Variants in BMAL1 observed in about 807,000 individuals in gnomAD.
BMAL1 encodes the protein basic helix-loop-helix ARNT-like protein 1.
chr11:13,288,050 G>A, the BMAL1 span, among the ~76,000 whole-genome samples: 1 of 152,164 alleles, frequency 6.6e-6, no homozygotes, highest in African/African-American at 2.4e-5. Context: ...GTAGGATTTC[G>A]ATTCACAGAC....
At chr11:13,383,334 A>G in the BMAL1 span, among the ~76,000 whole-genome samples, 1 of 152,244 alleles carries the variant, frequency 6.6e-6, no homozygotes, top group East Asian at 1.9e-4. Context: ...GATCCTTTTA[A>G]GGGTCTGCAA....
At chr11:13,321,520 C>G in the BMAL1 span, among the ~76,000 whole-genome samples, 23 of 152,166 alleles carry the variant, frequency 1.5e-4, no homozygotes, top group African/African-American at 5.5e-4. Context: ...CTCTTTGCTG[C>G]CTTGCTTGGG....
chr11:13,310,663 G>T, the BMAL1 span, among the ~76,000 whole-genome samples: 1 of 152,222 alleles, frequency 6.6e-6, no homozygotes, highest in Non-Finnish European at 1.5e-5. Context: ...AATGGGTGTG[G>T]CAGTGTTCCA....
chr11:13,385,961 G>T, the BMAL1 span, among the ~76,000 whole-genome samples: 21 of 152,210 alleles, frequency 1.4e-4, no homozygotes, highest in African/African-American at 4.3e-4. Flanking sequence ...ACCAGTATTT[G>T]AGTTTTGGTG....
At chr11:13,301,686 G>GT in the BMAL1 span, among the ~76,000 whole-genome samples, 1 of 152,314 alleles carries the variant, frequency 6.6e-6, no homozygotes, top group South Asian at 2.1e-4. Flanking sequence ...ATGGGGCAAT[G>GT]TTTGGGATTT....
chr11:13,327,941 C>T, the BMAL1 span, among the ~76,000 whole-genome samples: 1 of 152,246 alleles, frequency 6.6e-6, no homozygotes, highest in African/African-American at 2.4e-5. Flanking sequence ...ACTCCACATT[C>T]ACAGCCATGA....
At chr11:13,375,054 C>T in the BMAL1 span, among the ~76,000 whole-genome samples, 1 of 152,176 alleles carries the variant, frequency 6.6e-6, no homozygotes, top group Admixed American at 6.5e-5. Flanking sequence ...GTTCATCCCT[C>T]AAGGCTCTGA....
the BMAL1 span, among the ~76,000 whole-genome samples, chr11:13,310,544 A>T: frequency 6.6e-6 from 1 of 152,194 alleles, no homozygotes; most frequent in Non-Finnish European, 1.5e-5. Context: ...CTTTTTCTGT[A>T]GAGGACCAGA....
At chr11:13,279,639 T>C in the BMAL1 span, among the ~76,000 whole-genome samples, 1 of 152,270 alleles carries the variant, frequency 6.6e-6, no homozygotes, top group Non-Finnish European at 1.5e-5. Context: ...CCAAATATTT[T>C]TGAAAATACA....
At chr11:13,315,532 C>T in the BMAL1 span, among the ~76,000 whole-genome samples, 108 of 152,278 alleles carry the variant, frequency 7.1e-4, 1 homozygote, top group South Asian at 0.021. Flanking sequence ...GAAACTGAGG[C>T]CTCGACCCAT....
the BMAL1 span, among the ~76,000 whole-genome samples, chr11:13,284,045 C>T: frequency 2.0e-5 from 3 of 149,212 alleles, no homozygotes; most frequent in South Asian, 2.1e-4. Flanking sequence ...TGAAGACCAA[C>T]GTCCACAACT....
chr11:13,277,073 G>T, the BMAL1 span: 1 of 152,274 alleles, frequency 6.6e-6, no homozygotes, highest in African/African-American at 2.4e-5. Flanking sequence ...CGCAAAGAAC[G>T]TGAGAACACT....
At chr11:13,363,127 CATATATATAT>C in the BMAL1 span, among the ~76,000 whole-genome samples, 788 of 109,904 alleles carry the variant, frequency 7.2e-3, 4 homozygotes, top group African/African-American at 0.02. Flanking sequence ...GTCTTTATTT[CATATATATAT>C]ATATATATAT....
At chr11:13,363,662 A>T in the BMAL1 span, among the ~76,000 whole-genome samples, 257 of 152,334 alleles carry the variant, frequency 1.7e-3, no homozygotes, top group Non-Finnish European at 2.7e-3. Context: ...TATGTCAGGG[A>T]TCAGTCAACT....
At chr11:13,378,279 A>T in the BMAL1 span, 1 of 1,516,408 alleles carries the variant, frequency 6.6e-7, no homozygotes, top group East Asian at 2.5e-5. Context: ...ACTTTAATAC[A>T]TAATAGTATT....
chr11:13,320,253 T>C, the BMAL1 span, among the ~76,000 whole-genome samples: 1 of 152,208 alleles, frequency 6.6e-6, no homozygotes, highest in Non-Finnish European at 1.5e-5. Flanking sequence ...TCTCTAGCTC[T>C]CCTCTCTGGC....
chr11:13,303,321 A>C, the BMAL1 span, among the ~76,000 whole-genome samples: 19 of 152,320 alleles, frequency 1.2e-4, no homozygotes, highest in African/African-American at 4.6e-4. Context: ...AAAAAGGCCA[A>C]ACTCCCACCT....
At chr11:13,348,065 G>T in the BMAL1 span, among the ~76,000 whole-genome samples, 12 of 152,188 alleles carry the variant, frequency 7.9e-5, no homozygotes, top group Admixed American at 7.9e-4. Context: ...GCGTGAAGGA[G>T]CCTGGGCAGG....
At chr11:13,347,583 A>G in the BMAL1 span, among the ~76,000 whole-genome samples, 1 of 152,122 alleles carries the variant, frequency 6.6e-6, no homozygotes, top group Non-Finnish European at 1.5e-5. Context: ...ATGGTGGCTC[A>G]CACCTGTAAT....
Sources: allele counts gnomAD v4.1 joint callset (sites outside exome capture counted in the v4.1 genomes callset), GRCh38; gene constraint gnomAD v4.1.1; transcripts MANE v1.5; gene names NCBI Gene and HGNC (gene_info 2026-07-23, HGNC 2026-07-21).